The following ORC5 variants were observed in gnomAD, a reference collection of about 807,000 sequenced individuals.
The protein encoded by ORC5 is protein phosphatase 1, regulatory subunit 117.
ORC5 carries 39 observed loss-of-function variants against 58.8 expected under a neutral mutation model. The observed-to-expected ratio is 0.66, with a 90% CI of 0.51 to 0.87. ORC5 has a LOEUF of 0.87. ORC5 is among the 40% of genes least tolerant of loss of function. ORC5 has a pLI of 0.00. For synonymous variants in ORC5, 218 were observed against 177.6 expected (o/e 1.23, Z -1.81); for missense variants, 493 against 506.3 (o/e 0.97, Z 0.25).
At chr7:104,171,512 T>C (rs1481495914) in intron 8 of ORC5, among the ~76,000 whole-genome samples, 1 of 152,210 alleles carries the variant, frequency 6.6e-6, no homozygotes, top group Non-Finnish European at 1.5e-5. Context: ...TTGTCATTTC[T>C]TTTTTATTTG....
chr7:104,197,956 A>G (rs1317435178), intron 3 of ORC5, among the ~76,000 whole-genome samples, 157 bp from the exon 4 acceptor site: 1 of 152,238 alleles, frequency 6.6e-6, no homozygotes, highest in Non-Finnish European at 1.5e-5. Context: ...TGATTAAGTC[A>G]TAAGGGCTCT....
intron 5 of ORC5, among the ~76,000 whole-genome samples, chr7:104,191,134 A>G (rs553323624): frequency 1.5e-4 from 22 of 150,686 alleles, no homozygotes; most frequent in African/African-American, 5.4e-4. Context: ...AAAAAAAAAA[A>G]GCCAAAACTT....
At chr7:104,179,109 ATTTT>A (rs34769476) in intron 8 of ORC5, among the ~76,000 whole-genome samples, 11 of 138,442 alleles carry the variant, frequency 7.9e-5, no homozygotes, top group East Asian at 2.1e-4. Context: ...AGAAAAGTGA[ATTTT>A]TTTTTTTTTT....
intron 6 of ORC5, among the ~76,000 whole-genome samples, chr7:104,186,464 A>G (rs1446156708): frequency 6.6e-6 from 1 of 152,172 alleles, no homozygotes; most frequent in African/African-American, 2.4e-5. Context: ...ATAATTTATG[A>G]ATAACAGTTA....
chr7:104,167,182 C>T (rs990962018), intron 9 of ORC5, among the ~76,000 whole-genome samples: 2 of 152,140 alleles, frequency 1.3e-5, no homozygotes, highest in Admixed American at 6.5e-5. Context: ...CCCTACCACA[C>T]CAAAATAGAG....
chr7:104,135,584 C>T (rs1253437311), intron 13 of ORC5, among the ~76,000 whole-genome samples: 1 of 152,172 alleles, frequency 6.6e-6, no homozygotes. Context: ...TGAGCCACTG[C>T]ACCTGGCCAT....
At chr7:104,142,045 C>A (rs1237823259) in intron 12 of ORC5, among the ~76,000 whole-genome samples, 1 of 152,008 alleles carries the variant, frequency 6.6e-6, no homozygotes, top group African/African-American at 2.4e-5. Flanking sequence ...TAAAAACAGA[C>A]ACACAGATCC....
In ORC5 at chr7:104,204,201, A is replaced by G; in HGVS notation, c.106T>C (p.Tyr36His). The G allele has an allele frequency of 3.7e-6, 6 of 1,602,244 alleles. No homozygotes were observed. Among genetic ancestry groups the G allele is most frequent in the Non-Finnish European group, 5.1e-6 (6 of 1,173,844 alleles). Residue 36 changes from tyrosine (Y) to histidine (H), a missense_variant, in exon 2 of 14, where the codon TAT becomes CAT. This residue lies in a region of ORC5 where 412 missense variants were observed against 403.7 expected (regional missense o/e 1.02). Transcript: ENST00000297431. ...HHFSFPSIFI[Y>H]GHTASGKTYV... ...GTCTTTCCACTAGCAGTATGTCCAT[A>G]AATAAAAATGGATGGAAAGCTGAAA...
intron 5 of ORC5, among the ~76,000 whole-genome samples, chr7:104,192,888 G>A (rs1313090138): frequency 6.7e-6 from 1 of 150,016 alleles, no homozygotes; most frequent in Admixed American, 6.6e-5. Context: ...AGAAGTCAGT[G>A]AACTGAAAGA....
intron 8 of ORC5, among the ~76,000 whole-genome samples, chr7:104,175,901 C>T (rs911996810): frequency 6.6e-6 from 1 of 152,044 alleles, no homozygotes; most frequent in Non-Finnish European, 1.5e-5. Flanking sequence ...TCAGCTAGTC[C>T]TATCTAAAAA....
chr7:104,197,204 G>A (rs1018578829), intron 4 of ORC5, among the ~76,000 whole-genome samples: 1 of 152,146 alleles, frequency 6.6e-6, no homozygotes, highest in African/African-American at 2.4e-5. Context: ...GGAAGAACCT[G>A]CTGTAGGCTA....
chr7:104,137,269 C>CAAA (rs58837683), intron 12 of ORC5, among the ~76,000 whole-genome samples: 1 of 132,626 alleles, frequency 7.5e-6, no homozygotes, highest in Non-Finnish European at 1.6e-5. Flanking sequence ...AATGTGCCTA[C>CAAA]AAAAAAAAAA....
chr7:104,132,095 A>T (rs557479123), intron 13 of ORC5, among the ~76,000 whole-genome samples: 1 of 152,262 alleles, frequency 6.6e-6, no homozygotes, highest in South Asian at 2.1e-4. Flanking sequence ...TTTCTCATAA[A>T]TACTACAATA....
rs1798531890 is a variant in ORC5 at position 104,132,713 on chromosome 7, TGAGCTTAG to T, written c.1262+4060_1262+4067del. ...TGATAGACATAAACACAGTCTGCTT[TGAGCTTAG>T]GAGCTTGTATTCTAGAAAGAAAGAT... On this transcript the variant is annotated intron_variant, in intron 13 of 13. Coordinates refer to ENST00000297431, the MANE Select transcript of ORC5 (RefSeq NM_002553.4). Among the ~76,000 whole-genome samples the T allele has an allele frequency of 1.3e-5, 2 of 152,208 alleles. 1 individual carries two copies. Among genetic ancestry groups the T allele is most frequent in the South Asian group, 4.1e-4 (2 of 4,832 alleles).
At chr7:104,171,410 T>C (rs1799208789) in intron 8 of ORC5, among the ~76,000 whole-genome samples, 1 of 152,222 alleles carries the variant, frequency 6.6e-6, no homozygotes, top group Non-Finnish European at 1.5e-5. Context: ...CACAATTACT[T>C]AATTCTAAAG....
chr7:104,160,195 A>T (rs1442861730), intron 12 of ORC5, among the ~76,000 whole-genome samples: 3 of 152,202 alleles, frequency 2.0e-5, no homozygotes, highest in Non-Finnish European at 4.4e-5. Context: ...AATTGAGATT[A>T]TATTTGTTAC....
At chr7:104,188,115 G>A in intron 6 of ORC5, 136 bp downstream of exon 6, 1 of 957,424 alleles carries the variant, frequency 1.0e-6, no homozygotes, top group East Asian at 2.8e-5. Flanking sequence ...CAAATTCCCA[G>A]AATAAAATTT....
intron 1 of ORC5, among the ~76,000 whole-genome samples, chr7:104,206,422 T>C (rs1228611124): frequency 2.0e-5 from 3 of 152,234 alleles, no homozygotes; most frequent in Non-Finnish European, 4.4e-5. Context: ...CCACTAAGTT[T>C]ACTCATCCCT....
At chr7:104,172,957 C>T (rs185415626) in intron 8 of ORC5, among the ~76,000 whole-genome samples, 2 of 148,698 alleles carry the variant, frequency 1.3e-5, no homozygotes, top group Admixed American at 6.7e-5. Context: ...AAAGCTAGTA[C>T]TGACTTTCCT....
Sources: gnomAD v4.1 joint callset for allele counts (sites outside exome capture counted in the v4.1 genomes callset) on GRCh38, gnomAD v4.1.1 for gene constraint, gnomAD v4.1.1 regional missense constraint, MANE v1.5 for transcripts, NCBI Gene and HGNC (gene_info 2026-07-23, HGNC 2026-07-21) for gene names.